SLCO3A1: variants seen among roughly 807,000 people sequenced by gnomAD.
SLCO3A1 encodes the protein solute carrier organic anion transporter family member 3A1.
SLCO3A1 carries 27 observed loss-of-function variants against 63.1 expected under a neutral mutation model. The ratio of observed to expected loss-of-function variants is 0.43; its 90% CI spans 0.32 to 0.59. The LOEUF (loss-of-function observed/expected upper bound fraction) is 0.59, where lower values mean the gene tolerates loss of function less well. Among genes scored for constraint, SLCO3A1 ranks in the 20% least tolerant of loss-of-function variants. The pLI is 0.09. For missense variants in SLCO3A1, 773 were observed against 945.8 expected, an observed-to-expected ratio of 0.82 and a Z score of 2.40; for synonymous variants, 473 against 409.9, an observed-to-expected ratio of 1.15 and a Z score of -1.86.
chr15:92,016,800 T>G (rs1387663409), intron 2 of SLCO3A1, among the ~76,000 whole-genome samples: 2 of 151,068 alleles, frequency 1.3e-5, no homozygotes, highest in African/African-American at 2.4e-5. Context: ...GAGGGAAAGA[T>G]TGGGGGAGGA....
intron 1 of SLCO3A1, chr15:91,908,574 C>T (rs1340263041): frequency 6.6e-6 from 1 of 152,014 alleles, no homozygotes; most frequent in Non-Finnish European, 1.5e-5. Context: ...TGACTCACCC[C>T]AAGGAGCTGC....
intron 2 of SLCO3A1, among the ~76,000 whole-genome samples, chr15:91,971,006 A>T (rs1448581104): frequency 6.6e-6 from 1 of 152,126 alleles, no homozygotes; most frequent in Admixed American, 6.5e-5. Context: ...ATGTATTTGT[A>T]GCCCCCAAAT....
At chr15:92,104,153 G>T (rs1225928153) in intron 3 of SLCO3A1, 126 bp from the exon 4 acceptor site, 3 of 1,084,710 alleles carry the variant, frequency 2.8e-6, no homozygotes, top group African/African-American at 3.2e-5. Context: ...CTGGCAGCCA[G>T]TGTTCCCGAC....
chr15:92,164,590 C>T lies in SLCO3A1; in HGVS notation c.*1455C>T. 1.0e-6 allele frequency: 1 copy of T among 958,652 alleles called. No individual in the cohort carries two copies. The highest frequency in any genetic ancestry group is 1.2e-6 in the Non-Finnish European group (1 of 819,502). The allele number at this position is 958,652 out of a possible 1,614,324, so 59.4% of individuals were successfully genotyped here. ...AGGAAAGAAGAACAGTTCCCTAACA[C>T]AAGCTGTTAAGAAGTCTGTAGCATC... is the stretch of plus-strand genomic sequence containing the variant. On this transcript the variant is annotated 3_prime_UTR_variant, in exon 10 of 10. Transcript: ENST00000318445.
intron 2 of SLCO3A1, among the ~76,000 whole-genome samples, chr15:91,993,478 A>G (rs2046152351): frequency 6.6e-6 from 1 of 152,220 alleles, no homozygotes. Context: ...ATAGTAAAAC[A>G]AAGGAGAGCC....
intron 2 of SLCO3A1, among the ~76,000 whole-genome samples, chr15:91,951,371 A>T (rs559103673): frequency 6.6e-6 from 1 of 152,232 alleles, no homozygotes; most frequent in Non-Finnish European, 1.5e-5. Context: ...TTCAAGGTTT[A>T]TTCACATTAT....
chr15:92,026,224 G>A (rs2046572481), intron 2 of SLCO3A1, among the ~76,000 whole-genome samples: 2 of 152,280 alleles, frequency 1.3e-5, no homozygotes, highest in Admixed American at 1.3e-4. Flanking sequence ...AGTCTTGGGT[G>A]TGACCTCCCA....
chr15:91,969,305 A>G (rs562595336), intron 2 of SLCO3A1, among the ~76,000 whole-genome samples: 127 of 142,312 alleles, frequency 8.9e-4, no homozygotes, highest in African/African-American at 3.2e-3. Flanking sequence ...GTCTGTATAT[A>G]TATAATTTTT....
Position 91,968,437 on chromosome 15 carries a change from G to A in SLCO3A1, c.646+51979G>A, listed in dbSNP as rs1211936126. ...GTGGCCCTCTAGAATCCTCCAGCCTGTGCTTATTATGCAGCATGGAGGTGT... is the reference window on the plus strand; with the variant it reads ...GTGGCCCTCTAGAATCCTCCAGCCTATGCTTATTATGCAGCATGGAGGTGT... On this transcript the variant is annotated intron_variant, in intron 2 of 9. Coordinates refer to ENST00000318445, the MANE Select transcript of SLCO3A1 (RefSeq NM_013272.4). This position sits in a 1 kb window ranked among gnomAD's most constrained non-coding sequence, Gnocchi z 4.2. Among the ~76,000 whole-genome samples the A allele has an allele frequency of 6.6e-6, 1 of 152,072 alleles. No individual in the cohort carries two copies. The highest frequency in any genetic ancestry group is 1.9e-4 in the East Asian group (1 of 5,156).
intron 5 of SLCO3A1, among the ~76,000 whole-genome samples, chr15:92,123,955 T>C (rs2047892282): frequency 6.6e-6 from 1 of 152,224 alleles, no homozygotes; most frequent in Non-Finnish European, 1.5e-5. Context: ...TCTCCTGAGC[T>C]GGGCAGTCCA....
rs944514626 is a variant in SLCO3A1 at position 91,880,147 on chromosome 15, A to G, written c.180+26059A>G. On this transcript the variant is annotated intron_variant, in intron 1 of 9. Coordinates refer to ENST00000318445, the MANE Select transcript of SLCO3A1 (RefSeq NM_013272.4). ...CGTCCGTCCGTCCATCCATCCATCC[A>G]TCCATCCATCCATCCATCCATCCAT... Among the ~76,000 whole-genome samples the G allele has an allele frequency of 1.0e-3, 146 of 144,064 alleles. 1 individual carries two copies. Among genetic ancestry groups the G allele is most frequent in the African/African-American group, 2.6e-3 (96 of 37,556 alleles). 94.5% of individuals were successfully genotyped at this position (144,064 alleles called of 152,430 possible). A position where few individuals can be genotyped will look rare whatever the true frequency, so the allele number is the denominator to read the frequency against.
intron 2 of SLCO3A1, among the ~76,000 whole-genome samples, chr15:92,059,699 G>A (rs1383186587): frequency 1.3e-5 from 2 of 152,264 alleles, no homozygotes; most frequent in African/African-American, 2.4e-5. Context: ...GGGCTGTATC[G>A]ATGCAGGGGT....
chr15:92,125,116 AC>A (rs1051024623), intron 5 of SLCO3A1, among the ~76,000 whole-genome samples: 1 of 152,032 alleles, frequency 6.6e-6, no homozygotes, highest in African/African-American at 2.4e-5. Flanking sequence ...ATATTTTCTC[AC>A]CCCAATATTA....
At chr15:92,108,753 A>C (rs528238523) in intron 4 of SLCO3A1, among the ~76,000 whole-genome samples, 1 of 151,858 alleles carries the variant, frequency 6.6e-6, no homozygotes, top group African/African-American at 2.4e-5. Flanking sequence ...GTTTGCTGCT[A>C]TTTCTCCCTG....
At chr15:92,028,792 T>A (rs913180193) in intron 2 of SLCO3A1, among the ~76,000 whole-genome samples, 1 of 152,186 alleles carries the variant, frequency 6.6e-6, no homozygotes, top group African/African-American at 2.4e-5. Flanking sequence ...AAGTGGAGAA[T>A]GCCAGAAGTT....
rs868064337 is a variant in SLCO3A1, at chr15:91,853,758, C to T, written c.-151C>T. On this transcript the variant is annotated 5_prime_UTR_variant, in exon 1 of 10. Coordinates refer to ENST00000318445, the MANE Select transcript of SLCO3A1 (RefSeq NM_013272.4). ...CGAGGAGCTGTGCCTTCCACCTCTCCAGCCCCGGCAGGACGGGGGCGGCCG... is the reference window on the plus strand; with the variant it reads ...CGAGGAGCTGTGCCTTCCACCTCTCTAGCCCCGGCAGGACGGGGGCGGCCG... 13 of 763,784 alleles carry T rather than the reference C, an allele frequency of 1.7e-5. No homozygotes were observed. Among genetic ancestry groups the T allele is most frequent in the African/African-American group, 1.5e-4 (8 of 53,024 alleles). The allele number at this position is 763,784 out of a possible 1,614,324, so 47.3% of individuals were successfully genotyped here.
intron 1 of SLCO3A1, among the ~76,000 whole-genome samples, chr15:91,899,282 G>C (rs1898091080): frequency 3.3e-5 from 5 of 152,148 alleles, no homozygotes; most frequent in Admixed American, 3.3e-4. Context: ...GGGGGATGGG[G>C]CTATTTTGCA....
chr15:92,095,005 C>T (rs2047520801), intron 3 of SLCO3A1, 26 bp downstream of exon 3: 3 of 1,466,760 alleles, frequency 2.0e-6, no homozygotes, highest in Non-Finnish European at 1.9e-6. Flanking sequence ...CCATGTCTAC[C>T]TTCCATCCGC....
chr15:91,976,464 T>C (rs1204645381), intron 2 of SLCO3A1, among the ~76,000 whole-genome samples: 1 of 152,230 alleles, frequency 6.6e-6, no homozygotes. Flanking sequence ...ACTAGTCACA[T>C]GTGGCTGTCA....
Sources: gnomAD v4.1 joint callset for allele counts (sites outside exome capture counted in the v4.1 genomes callset) on GRCh38, gnomAD v4.1.1 for gene constraint, Gnocchi (gnomAD v3.1) non-coding constraint, MANE v1.5 for transcripts, NCBI Gene and HGNC (gene_info 2026-07-23, HGNC 2026-07-21) for gene names.